The following MYO16 variants were observed in gnomAD, a reference collection of about 807,000 sequenced individuals.
MYO16 encodes unconventional myosin-XVI.
Under a neutral mutation model 205.3 loss-of-function variants are expected in MYO16, and 94 were observed. The ratio of observed to expected loss-of-function variants is 0.46; its 90% CI spans 0.39 to 0.54. The LOEUF is 0.54. Ranked by LOEUF, MYO16 falls within the 20% of genes least tolerant of loss-of-function variation. The pLI is 0.00. For missense variants in MYO16, 2,315 were observed against 2,387.5 expected (o/e 0.97, Z 0.63); for synonymous variants, 988 against 954.0 (o/e 1.04, Z -0.66).
In MYO16 at chr13:108,667,596, C is replaced by T. The variant is rs137855994; in HGVS notation, c.292+1447C>T. 7.2e-3 allele frequency among the ~76,000 whole-genome samples: 1,089 copies of T among 152,192 alleles called. 8 individuals are homozygous for T. Among genetic ancestry groups the T allele is most frequent in the Non-Finnish European group, 7.9e-3 (537 of 68,008 alleles). On this transcript the variant is annotated intron_variant, in intron 2 of 34. Transcript: ENST00000457511. ...GAGAATGCCCATTAGGGTCATTGCT[C>T]CCTCCTGCCCATCTCATACCTTCCA...
At chr13:108,577,336 C>T in the MYO16 span, among the ~76,000 whole-genome samples, 3 of 152,092 alleles carry the variant, frequency 2.0e-5, no homozygotes. Flanking sequence ...ATTAGAGAGC[C>T]TCAATGTCTC....
chr13:108,665,710 C>T (rs186856786), intron 1 of MYO16, among the ~76,000 whole-genome samples, 176 bp from the exon 2 acceptor site: 20 of 152,246 alleles, frequency 1.3e-4, no homozygotes, highest in African/African-American at 4.6e-4. Context: ...GAGAAACACA[C>T]GAACTATTTT....
At chr13:108,717,184 G>C (rs540164486) in intron 3 of MYO16, among the ~76,000 whole-genome samples, 1 of 152,134 alleles carries the variant, frequency 6.6e-6, no homozygotes. Flanking sequence ...TTGAGAAGGC[G>C]CTCCCAATGG....
rs1313709030 is a variant in MYO16 at position 108,825,420 on chromosome 13, T to TA, written c.1097+2150dup. Among the ~76,000 whole-genome samples the TA allele has an allele frequency of 8.7e-5, 13 of 150,184 alleles. No individual in the cohort carries two copies. The South Asian group carries it at 1.7e-3, about 19-fold the overall frequency. On this transcript the variant is annotated intron_variant, in intron 9 of 34. Transcript: ENST00000457511. ...CTGATAAGGGGCAAGTACCAAAAAA[T>TA]AAAAAAAAGAAACAAAACAAAAACA...
intron 1 of MYO16, among the ~76,000 whole-genome samples, chr13:108,664,004 C>T (rs1266965984): frequency 6.6e-6 from 1 of 152,188 alleles, no homozygotes; most frequent in African/African-American, 2.4e-5. Flanking sequence ...CTTTCTCATA[C>T]AATCTGTTTC....
At chr13:108,892,209 A>G (rs1880209901) in intron 14 of MYO16, among the ~76,000 whole-genome samples, 2 of 152,194 alleles carry the variant, frequency 1.3e-5, no homozygotes, top group Admixed American at 6.5e-5. Flanking sequence ...TATTAAGCTC[A>G]TACCATATTG....
At chr13:108,947,449 T>C (rs975520535) in intron 16 of MYO16, among the ~76,000 whole-genome samples, 4 of 152,284 alleles carry the variant, frequency 2.6e-5, no homozygotes, top group East Asian at 1.9e-4. Flanking sequence ...AGGCCTTGAG[T>C]TGTTAAACTA....
chr13:109,022,514 ATT>A (rs1254121782), intron 23 of MYO16, among the ~76,000 whole-genome samples: 2 of 13,452 alleles, frequency 1.5e-4, no homozygotes, highest in Non-Finnish European at 1.8e-4. Flanking sequence ...ATATGTATAT[ATT>A]TGTTATATAT....
the MYO16 span, among the ~76,000 whole-genome samples, chr13:108,530,267 A>G: frequency 5.9e-5 from 9 of 152,228 alleles, no homozygotes; most frequent in Non-Finnish European, 1.3e-4. Context: ...AGGACGAATT[A>G]CTGGGAACCA....
intron 34 of MYO16, among the ~76,000 whole-genome samples, chr13:109,203,576 A>G (rs1880485623): frequency 6.6e-6 from 1 of 152,070 alleles, no homozygotes; most frequent in Admixed American, 6.5e-5. Context: ...CCTAATCCTC[A>G]GGCTTGATCC....
chr13:108,813,942 T>C (rs61968848), intron 7 of MYO16, among the ~76,000 whole-genome samples: 8,341 of 152,182 alleles, frequency 0.055, 267 homozygotes, highest in East Asian at 0.11. Flanking sequence ...TGATTTCTAA[T>C]TGGAAGCACA....
chr13:108,712,777 G>T, intron 3 of MYO16, 46 bp downstream of exon 3: 1 of 1,500,734 alleles, frequency 6.7e-7, no homozygotes, highest in South Asian at 1.2e-5. Flanking sequence ...ACACCCGGGG[G>T]AGAGTACATT....
chr13:108,820,718 T>C (rs886870567), intron 8 of MYO16, among the ~76,000 whole-genome samples: 19 of 152,240 alleles, frequency 1.2e-4, no homozygotes, highest in African/African-American at 4.1e-4. Context: ...TAACGTACTT[T>C]AAAATACATT....
chr13:108,626,065 C>T (rs751147768), upstream of MYO16, among the ~76,000 whole-genome samples: 9 of 152,120 alleles, frequency 5.9e-5, no homozygotes, highest in Non-Finnish European at 1.2e-4. Context: ...GCTTATCTCT[C>T]ATTAGAATCA....
chr13:109,140,710 A>G lies in MYO16; in HGVS notation c.4498A>G (p.Ile1500Val). The G allele has an allele frequency of 6.7e-7, 1 of 1,490,228 alleles. No individual in the cohort carries two copies. The highest frequency in any genetic ancestry group is 8.9e-7 in the Non-Finnish European group (1 of 1,121,904). 92.3% of individuals were successfully genotyped at this position (1,490,228 alleles called of 1,614,324 possible). The change falls in exon 32 of 35, where the codon ATC becomes GTC. Residue 1500 changes from isoleucine (I) to valine (V), a missense_variant. Physicochemically the swap from Ile to Val is conservative, Grantham distance 29. This residue lies in a region of MYO16 where 1,097 missense variants were observed against 1,092.0 expected (regional missense o/e 1.00). Coordinates refer to ENST00000457511, the MANE Select transcript of MYO16 (RefSeq NM_001198950.3). This position sits in a 1 kb window ranked among gnomAD's most constrained non-coding sequence, Gnocchi z 8.0. The part of the protein sequence containing the change: ...AAGPPGDACD[I>V]PPPFPNLLPH... ...GGGGCCCCCAGGGGACGCGTGCGAC[A>G]TCCCGCCGCCCTTCCCCAACCTGCT... is the stretch of plus-strand genomic sequence containing the variant.
intron 2 of MYO16, among the ~76,000 whole-genome samples, chr13:108,680,113 G>C (rs1882400346): frequency 6.6e-6 from 1 of 152,094 alleles, no homozygotes; most frequent in African/African-American, 2.4e-5. Flanking sequence ...ACAGTGCCTG[G>C]AGCTGCTCCA....
chr13:109,126,774 G>A (rs1303678898), intron 30 of MYO16, among the ~76,000 whole-genome samples: 1 of 152,180 alleles, frequency 6.6e-6, no homozygotes, highest in Admixed American at 6.5e-5. Context: ...GAGTAATGGG[G>A]AGAAGGAGAA....
chr13:109,146,841 A>G (rs1251035870), intron 32 of MYO16, among the ~76,000 whole-genome samples: 2 of 151,888 alleles, frequency 1.3e-5, no homozygotes, highest in Non-Finnish European at 2.9e-5. Context: ...GAAAGAGAAA[A>G]AGAGAAAGAA....
In MYO16 at chr13:109,140,125, G is replaced by A. The variant is rs987718885; in HGVS notation, c.4052-139G>A. 19 of 1,407,512 alleles carry A rather than the reference G, an allele frequency of 1.3e-5. No homozygotes were observed. The highest frequency in any genetic ancestry group is 8.2e-5 in the East Asian group (3 of 36,674). The allele number at this position is 1,407,512 out of a possible 1,614,324, so 87.2% of individuals were successfully genotyped here. On this transcript the variant is annotated intron_variant, in intron 31 of 34. Transcript: ENST00000457511. This position sits in a 1 kb window ranked among gnomAD's most constrained non-coding sequence, Gnocchi z 8.0. ...TTCGGGTTCAGCCAGGGAGCCTAGT[G>A]GGTGGAGGAACATGCAGGCCCGGTC...
Sources: allele counts gnomAD v4.1 joint callset (sites outside exome capture counted in the v4.1 genomes callset), GRCh38; gene constraint gnomAD v4.1.1; regional missense constraint gnomAD v4.1.1; non-coding constraint Gnocchi (gnomAD v3.1); transcripts MANE v1.5; gene names NCBI Gene and HGNC (gene_info 2026-07-23, HGNC 2026-07-21).